The following DNAH11 variants were observed in gnomAD, a reference collection of about 807,000 sequenced individuals.
DNAH11 encodes axonemal beta dynein heavy chain 11.
In DNAH11, 442 loss-of-function variants were observed where a neutral mutation model predicts 526.0. The observed-to-expected ratio is 0.84, with a 90% CI of 0.78 to 0.91. The LOEUF is 0.91. Ranked by LOEUF, DNAH11 falls within the 40% of genes least tolerant of loss-of-function variation. The pLI, the probability that DNAH11 is intolerant of heterozygous loss-of-function variation, is 0.00. For synonymous variants in DNAH11, 2,461 were observed against 1,935.9 expected (o/e 1.27, Z -7.12); for missense variants, 6,989 against 5,448.7 (o/e 1.28, Z -8.90).
At chr7:21,680,457 A>T (rs1289623980) in intron 30 of DNAH11, among the ~76,000 whole-genome samples, 1 of 152,228 alleles carries the variant, frequency 6.6e-6, no homozygotes. Context: ...TAACAAAATG[A>T]CCACCTAAGA....
chr7:21,713,764 T>C (rs915674907), intron 42 of DNAH11, among the ~76,000 whole-genome samples: 27 of 152,154 alleles, frequency 1.8e-4, no homozygotes, highest in African/African-American at 5.6e-4. Context: ...ATTCCTTACC[T>C]CTACAGTGTA....
chr7:21,774,100 A>G, intron 56 of DNAH11, 101 bp downstream of exon 56: 1 of 1,105,850 alleles, frequency 9.0e-7, no homozygotes, highest in Non-Finnish European at 1.3e-6. Context: ...ATAAGATGCC[A>G]GCTGGTGAAA....
At chr7:21,896,528 T>C (rs770754083) in intron 79 of DNAH11, among the ~76,000 whole-genome samples, 8 of 152,346 alleles carry the variant, frequency 5.3e-5, no homozygotes, top group Non-Finnish European at 1.0e-4. Flanking sequence ...AATTTTACTA[T>C]TGTACTGAGG....
At chr7:21,786,360 G>C (rs898846705) in intron 58 of DNAH11, among the ~76,000 whole-genome samples, 1 of 151,846 alleles carries the variant, frequency 6.6e-6, no homozygotes, top group African/African-American at 2.4e-5. Flanking sequence ...GGCTCTGCAG[G>C]ACTGATATAT....
intron 36 of DNAH11, among the ~76,000 whole-genome samples, chr7:21,701,429 C>T (rs562068144): frequency 6.6e-6 from 1 of 151,864 alleles, no homozygotes; most frequent in Non-Finnish European, 1.5e-5. Flanking sequence ...AAATGAGACT[C>T]TAGGCGTGCA....
chr7:21,781,135 A>G (rs764814713), intron 57 of DNAH11, among the ~76,000 whole-genome samples: 3 of 152,246 alleles, frequency 2.0e-5, no homozygotes, highest in Admixed American at 2.0e-4. Flanking sequence ...ATGCTATGCC[A>G]TACTAAAGGG....
intron 42 of DNAH11, among the ~76,000 whole-genome samples, chr7:21,716,311 A>G (rs137898099): frequency 1.1e-4 from 16 of 152,206 alleles, no homozygotes; most frequent in African/African-American, 3.6e-4. Flanking sequence ...GAATGCCACC[A>G]ACTCTGTACT....
chr7:21,762,866 A>G (rs1392802351), intron 54 of DNAH11, among the ~76,000 whole-genome samples: 1 of 152,220 alleles, frequency 6.6e-6, no homozygotes, highest in Non-Finnish European at 1.5e-5. Context: ...AAAACAGACA[A>G]GTGTACTACA....
intron 35 of DNAH11, among the ~76,000 whole-genome samples, chr7:21,695,587 T>C (rs1783815659): frequency 6.6e-6 from 1 of 152,046 alleles, no homozygotes; most frequent in Non-Finnish European, 1.5e-5. Context: ...ACACAAAAAT[T>C]AACTCAAGAT....
At chr7:21,787,951 A>T (rs1198141383) in intron 60 of DNAH11, among the ~76,000 whole-genome samples, 1 of 152,224 alleles carries the variant, frequency 6.6e-6, no homozygotes, top group Non-Finnish European at 1.5e-5. Context: ...TCTCAAAGCA[A>T]ATATTCACAC....
At chr7:21,717,604 T>G (rs1784715052) in intron 42 of DNAH11, among the ~76,000 whole-genome samples, 171 bp from the exon 43 acceptor site, 1 of 152,134 alleles carries the variant, frequency 6.6e-6, no homozygotes, top group South Asian at 2.1e-4. Context: ...TTAAAACAAG[T>G]TTTTAAAGGG....
At chr7:21,866,440 A>G (rs747299511) in intron 70 of DNAH11, 30 bp from the exon 71 acceptor site, 6 of 1,588,690 alleles carry the variant, frequency 3.8e-6, no homozygotes, top group Middle Eastern at 1.7e-4. Context: ...CGTTCACACC[A>G]TTCCTACTTG....
chr7:21,612,427 C>G (rs924903384), intron 20 of DNAH11, among the ~76,000 whole-genome samples: 2 of 151,626 alleles, frequency 1.3e-5, no homozygotes, highest in Admixed American at 6.6e-5. Flanking sequence ...TGGTGGCAGG[C>G]GCCAGTAGTC....
chr7:21,833,483 A>C (rs917197295), intron 65 of DNAH11, among the ~76,000 whole-genome samples: 5 of 152,144 alleles, frequency 3.3e-5, no homozygotes, highest in African/African-American at 1.2e-4. Context: ...ACCTGAGGTC[A>C]GGAGTTCAAG....
chr7:21,737,281 G>A (rs943185425), intron 46 of DNAH11, among the ~76,000 whole-genome samples: 1 of 152,202 alleles, frequency 6.6e-6, no homozygotes, highest in African/African-American at 2.4e-5. Flanking sequence ...AAAAGGCTAA[G>A]CTACTGATTT....
chr7:21,818,172 G>A (rs575300830), intron 64 of DNAH11, 45 bp from the exon 65 acceptor site: 1 of 1,581,344 alleles, frequency 6.3e-7, no homozygotes, highest in Admixed American at 1.9e-5. Flanking sequence ...TGAACATTTT[G>A]TGCCAATTTA....
chr7:21,572,053 A>T, intron 8 of DNAH11, 80 bp downstream of exon 8: 2 of 1,238,082 alleles, frequency 1.6e-6, no homozygotes, highest in Non-Finnish European at 2.1e-6. Flanking sequence ...CACAGTGATA[A>T]TAGGGACCAT....
chr7:21,780,932 G>T (rs1787916634), intron 57 of DNAH11, among the ~76,000 whole-genome samples: 1 of 152,308 alleles, frequency 6.6e-6, no homozygotes, highest in Non-Finnish European at 1.5e-5. Flanking sequence ...TGAGAAGCTG[G>T]ATATTTTGAG....
intron 14 of DNAH11, among the ~76,000 whole-genome samples, chr7:21,598,657 G>T (rs998075261): frequency 6.6e-6 from 1 of 152,012 alleles, no homozygotes; most frequent in African/African-American, 2.4e-5. Context: ...AAACATGAAG[G>T]TTTATTGTAC....
Sources: allele counts gnomAD v4.1 joint callset (sites outside exome capture counted in the v4.1 genomes callset), GRCh38; gene constraint gnomAD v4.1.1; transcripts MANE v1.5; gene names NCBI Gene and HGNC (gene_info 2026-07-23, HGNC 2026-07-21).